TNKS: variants seen among roughly 807,000 people sequenced by gnomAD.
TNKS encodes poly [ADP-ribose] polymerase tankyrase-1.
In TNKS, 72 loss-of-function variants were observed where a neutral mutation model predicts 135.8. The ratio of observed to expected loss-of-function variants is 0.53; its 90% confidence interval spans 0.44 to 0.64. The LOEUF (loss-of-function observed/expected upper bound fraction) is 0.64, where lower values mean the gene tolerates loss of function less well. Ranked by LOEUF, TNKS falls within the 30% of genes least tolerant of loss-of-function variation. The pLI is 0.00. For synonymous variants in TNKS, 849 were observed against 649.3 expected (o/e 1.31, Z -4.68); for missense variants, 1,769 against 1,674.0 (o/e 1.06, Z -0.99).
intron 3 of TNKS, among the ~76,000 whole-genome samples, chr8:9,619,193 TGAG>T (rs1178449328): frequency 6.6e-6 from 1 of 152,112 alleles, no homozygotes; most frequent in Admixed American, 6.5e-5. Context: ...CTTTGGAAAA[TGAG>T]GAGCTTTCTT....
chr8:9,663,913 T>G (rs1801857484), intron 3 of TNKS, among the ~76,000 whole-genome samples: 1 of 152,124 alleles, frequency 6.6e-6, no homozygotes, highest in South Asian at 2.1e-4. Context: ...CCCTTGGGGT[T>G]TCTCTGGAGG....
At chr8:9,771,285 AAGGG>A (rs1319381474) in intron 26 of TNKS, among the ~76,000 whole-genome samples, 47 of 122,852 alleles carry the variant, frequency 3.8e-4, no homozygotes, top group Non-Finnish European at 6.6e-4. Flanking sequence ...GAGAGCGAGG[AAGGG>A]AGGGAGGAGA....
At chr8:9,732,738 T>A (rs1200118284) in intron 14 of TNKS, among the ~76,000 whole-genome samples, 1 of 152,218 alleles carries the variant, frequency 6.6e-6, no homozygotes, top group Non-Finnish European at 1.5e-5. Flanking sequence ...CAGAATAGTT[T>A]GCCCATTTCT....
In TNKS at chr8:9,556,303, G is replaced by C; in HGVS notation, c.364G>C (p.Gly122Arg). 6.2e-7 allele frequency: 1 copy of C among 1,614,214 alleles called. No homozygotes were observed. Among genetic ancestry groups the C allele is most frequent in the South Asian group, 1.1e-5 (1 of 91,080 alleles). Residue 122 changes from glycine to arginine, a missense_variant, in exon 1 of 27, where the codon GGC becomes CGC. By Grantham distance (125) the Gly-to-Arg change is moderately radical. This residue lies in a region of TNKS where 450 missense variants were observed against 304.9 expected (regional missense o/e 1.48). Coordinates refer to ENST00000310430, the MANE Select transcript of TNKS (RefSeq NM_003747.3). ...CGCTGGGGTCGCTCCCAACCCAGCCGGCAGTGGCAGTAACAATTCACCGTC... is the reference window on the plus strand; with the variant it reads ...CGCTGGGGTCGCTCCCAACCCAGCCCGCAGTGGCAGTAACAATTCACCGTC... ...SAAGVAPNPA[G>R]SGSNNSPSSS...
chr8:9,645,494 C>A (rs896931361), intron 3 of TNKS, among the ~76,000 whole-genome samples: 21 of 152,080 alleles, frequency 1.4e-4, no homozygotes, highest in Non-Finnish European at 2.6e-4. Context: ...GAGACACGAG[C>A]CCCATACTCT....
intron 2 of TNKS, among the ~76,000 whole-genome samples, chr8:9,603,201 C>T (rs777514908): frequency 3.3e-5 from 5 of 151,938 alleles, no homozygotes; most frequent in South Asian, 2.1e-4. Context: ...TACAGGTGCA[C>T]GCCACCACAC....
intron 3 of TNKS, among the ~76,000 whole-genome samples, chr8:9,654,948 C>T (rs966595232): frequency 1.3e-5 from 2 of 152,214 alleles, no homozygotes; most frequent in Non-Finnish European, 2.9e-5. Flanking sequence ...CAGGGTGAGG[C>T]ATCGCCTCAC....
rs58603280 is a variant in TNKS, at chr8:9,660,142, G to A, written c.995-19809G>A. Among the ~76,000 whole-genome samples, 1,480 of 152,198 alleles carry A rather than the reference G, an allele frequency of 9.7e-3. 21 individuals are homozygous for A. The highest frequency in any genetic ancestry group is 0.034 in the African/African-American group (1,392 of 41,518). ...TCCAGGACCAGATGGATTCACAGCCGAATTCTACCAGAGGTACAAGGAGGA... is the reference window on the plus strand; with the variant it reads ...TCCAGGACCAGATGGATTCACAGCCAAATTCTACCAGAGGTACAAGGAGGA... On this transcript the variant is annotated intron_variant, in intron 3 of 26. Transcript: ENST00000310430.
chr8:9,606,014 C>G (rs1799203116), intron 2 of TNKS, among the ~76,000 whole-genome samples: 1 of 151,674 alleles, frequency 6.6e-6, no homozygotes, highest in Non-Finnish European at 1.5e-5. Flanking sequence ...ATCTTTGCAT[C>G]CCGAGGTCAT....
chr8:9,578,762 T>C (rs555983250), intron 1 of TNKS, among the ~76,000 whole-genome samples: 1 of 152,200 alleles, frequency 6.6e-6, no homozygotes, highest in Non-Finnish European at 1.5e-5. Flanking sequence ...GTAACAGTAT[T>C]ACACAATAAT....
At chr8:9,598,238 G>A (rs985533161) in intron 2 of TNKS, among the ~76,000 whole-genome samples, 1 of 151,916 alleles carries the variant, frequency 6.6e-6, no homozygotes, top group Non-Finnish European at 1.5e-5. Context: ...TAGTAGAGAC[G>A]GGGTTTCACC....
chr8:9,565,715 G>T (rs1039108440), intron 1 of TNKS, among the ~76,000 whole-genome samples: 8 of 152,054 alleles, frequency 5.3e-5, no homozygotes, highest in African/African-American at 1.9e-4. Flanking sequence ...AAATTAGCCT[G>T]GCGTGGTGGC....
chr8:9,752,183 T>C (rs1806580443), intron 19 of TNKS, among the ~76,000 whole-genome samples: 3 of 152,144 alleles, frequency 2.0e-5, no homozygotes, highest in African/African-American at 7.2e-5. Context: ...TTTTAATTCA[T>C]TAAAAGCTTT....
rs184614877 is a variant in TNKS, at chr8:9,760,132, T to C, written c.3154-1384T>C. Among the ~76,000 whole-genome samples the C allele has an allele frequency of 1.9e-3, 288 of 152,346 alleles. 1 individual carries two copies. Among genetic ancestry groups the C allele is most frequent in the African/African-American group, 6.5e-3 (272 of 41,584 alleles). On this transcript the variant is annotated intron_variant, in intron 20 of 26. Transcript: ENST00000310430. ...CATCAATAACATAGTTTCCAAATTA[T>C]ATTAAAATCATGTCTAGCTAAGAAT...
chr8:9,689,865 T>C (rs1803179355), intron 5 of TNKS, among the ~76,000 whole-genome samples: 1 of 152,234 alleles, frequency 6.6e-6, no homozygotes, highest in Non-Finnish European at 1.5e-5. Flanking sequence ...TATGTAATTA[T>C]TAAATGCCGA....
chr8:9,586,834 A>G (rs959242739), intron 2 of TNKS, among the ~76,000 whole-genome samples: 3 of 151,832 alleles, frequency 2.0e-5, no homozygotes, highest in African/African-American at 4.8e-5. Flanking sequence ...GTTATCAGCA[A>G]TAGGGAAGAC....
At chr8:9,771,469 GAGA>G (rs369385384) in intron 26 of TNKS, among the ~76,000 whole-genome samples, 7 of 134,192 alleles carry the variant, frequency 5.2e-5, no homozygotes, top group African/African-American at 1.6e-4. Context: ...AAGGGAGGGA[GAGA>G]AGAAGGAAGG....
intron 8 of TNKS, among the ~76,000 whole-genome samples, chr8:9,707,206 T>C (rs1245716397): frequency 6.6e-6 from 1 of 152,226 alleles, no homozygotes; most frequent in East Asian, 1.9e-4. Flanking sequence ...CGAGCCTAGT[T>C]TTAATTCGTA....
intron 5 of TNKS, among the ~76,000 whole-genome samples, chr8:9,691,082 A>G (rs4313162): frequency 0.62 from 94,333 of 151,924 alleles, 29,688 homozygotes; most frequent in Middle Eastern, 0.72. Flanking sequence ...AAGAAGGGAT[A>G]TTGACCAACC....
Sources: allele counts gnomAD v4.1 joint callset (sites outside exome capture counted in the v4.1 genomes callset), GRCh38; gene constraint gnomAD v4.1.1; regional missense constraint gnomAD v4.1.1; transcripts MANE v1.5; gene names NCBI Gene and HGNC (gene_info 2026-07-23, HGNC 2026-07-21).